Variants in MXRA5 observed in about 807,000 individuals in gnomAD.
MXRA5 encodes matrix-remodeling-associated protein 5.
A neutral mutation model predicts 112.5 loss-of-function variants in MXRA5; 41 were observed. The observed-to-expected ratio is 0.36, with a 90% CI of 0.28 to 0.47. The LOEUF (loss-of-function observed/expected upper bound fraction) is 0.47, where lower values mean the gene tolerates loss of function less well. Ranked by LOEUF, MXRA5 falls within the 20% of genes least tolerant of loss-of-function variation. MXRA5 has a pLI of 0.99. For synonymous variants in MXRA5, 862 were observed against 900.8 expected, an observed-to-expected ratio of 0.96 and a Z score of 0.77; for missense variants, 2,150 against 2,251.0, an observed-to-expected ratio of 0.96 and a Z score of 0.91.
In MXRA5 at chrX:3,310,767, G is replaced by T. The variant is rs1217365867; in HGVS notation, c.7436C>A (p.Ala2479Asp). Reference sequence around the variant, plus strand: ...TGGCAGAACCACACCCTCGGGAAAAGCCCATAACACCCTCGGGGTGGGGAT... The same window carrying T: ...TGGCAGAACCACACCCTCGGGAAAATCCCATAACACCCTCGGGGTGGGGAT... ...EGIPTPRVLW[A>D]FPEGVVLPAP... is the part of the protein sequence containing the mutation. Residue 2479 changes from alanine (A) to aspartate (D), a missense_variant, in exon 7 of 7, where the codon GCT (alanine) becomes GAT (aspartate). Coordinates refer to ENST00000217939, the MANE Select transcript of MXRA5 (RefSeq NM_015419.4). The T allele has an allele frequency of 8.3e-7, 1 of 1,202,699 alleles. No homozygotes were observed. Among genetic ancestry groups the T allele is most frequent in the East Asian group, 3.0e-5 (1 of 33,497 alleles).
intron 5 of MXRA5, among the ~76,000 whole-genome samples, chrX:3,318,675 A>G (rs1921216314): frequency 9.0e-6 from 1 of 111,691 alleles, no homozygotes; most frequent in South Asian, 3.8e-4. Context: ...TAGCAATCCC[A>G]CTACTGGGTA....
chrX:3,317,851 A>G lies in MXRA5; in HGVS notation c.5830T>C (p.Ser1944Pro). 8.3e-7 allele frequency: 1 copy of G among 1,211,630 alleles called. No homozygotes were observed. The highest frequency in any genetic ancestry group is 1.8e-5 in the South Asian group (1 of 56,967). ...ATTTGAGGTTGCTGCACGGTGACCG[A>G]AAGCAAGACCACCATCCTGTCCAGG... is the stretch of plus-strand genomic sequence containing the variant. The part of the protein sequence containing the change: ...HGLDRMVVLL[S>P]VTVQQPQILA... The change falls in exon 6 of 7, where the codon TCG (serine) becomes CCG (proline). Residue 1944 changes from serine to proline, a missense_variant. Transcript: ENST00000217939.
chrX:3,342,563 T>C (rs1321918250), intron 2 of MXRA5, among the ~76,000 whole-genome samples: 1 of 112,159 alleles, frequency 8.9e-6, no homozygotes, highest in Non-Finnish European at 1.9e-5. Flanking sequence ...GATGTTCAGA[T>C]GGTCAACTCA....
chrX:3,314,498 G>A lies in MXRA5; in HGVS notation c.6578+2605C>T, dbSNP rs745615803. On this transcript the variant is annotated intron_variant, in intron 6 of 6. Coordinates refer to ENST00000217939, the MANE Select transcript of MXRA5 (RefSeq NM_015419.4). Reference sequence around the variant, plus strand: ...AGTAGACAGATAGACAGATAGATACGGATGGATAAATGGATGGATAGATGG... The same window carrying A: ...AGTAGACAGATAGACAGATAGATACAGATGGATAAATGGATGGATAGATGG... 6.3e-5 allele frequency among the ~76,000 whole-genome samples: 7 copies of A among 111,673 alleles called. No homozygotes were observed. The South Asian group carries it at 1.9e-3, about 30-fold the overall frequency.
At chrX:3,316,833 T>C (rs780340033) in intron 6 of MXRA5, among the ~76,000 whole-genome samples, 5 of 108,877 alleles carry the variant, frequency 4.6e-5, no homozygotes, top group African/African-American at 1.7e-4. Flanking sequence ...CTCGCCACAA[T>C]GCCCGCAAAT....
At chrX:3,328,513 G>A (rs1921565521) in intron 4 of MXRA5, among the ~76,000 whole-genome samples, 1 of 111,176 alleles carries the variant, frequency 9.0e-6, no homozygotes, top group African/African-American at 3.3e-5. Flanking sequence ...TGGCCTGAAT[G>A]GGTGCACATC....
chrX:3,320,218 C>G lies in MXRA5; in HGVS notation c.5467G>C (p.Val1823Leu), dbSNP rs1458917120. The change falls in exon 5 of 7, where the codon GTC becomes CTC. Residue 1823 changes from valine (V) to leucine (L), a missense_variant. Coordinates refer to ENST00000217939, the MANE Select transcript of MXRA5 (RefSeq NM_015419.4). ...QSSISFITSS[V>L]QSSGSFHQSS... ...TGGTGGAAGCTTCCTGAGGACTGGA[C>G]AGAAGATGTTATAAAGGAGATAGAA... 9.1e-6 allele frequency: 11 copies of G among 1,210,937 alleles called. No homozygotes were observed. In the Admixed American group the frequency reaches 1.1e-4, roughly 12 times the overall value.
Position 3,310,827 on chromosome X carries a change from C to T in MXRA5, c.7376G>A (p.Gly2459Asp), listed in dbSNP as rs764829620. Residue 2459 changes from glycine (G) to aspartate (D), a missense_variant, in exon 7 of 7, where the codon GGC (glycine) becomes GAC (aspartate). Gly to Asp is a moderately conservative substitution (Grantham distance 94, BLOSUM62 -1). Transcript: ENST00000217939. ...ITTVREIAAG[G>D]SRKLIDCKAE... is the part of the protein sequence containing the mutation. ...TTTGCAGTCAATCAGTTTCCGACTG[C>T]CCCCGGCTGCTATCTCCCGCACAGT... 4 of 1,209,408 alleles carry T rather than the reference C, an allele frequency of 3.3e-6. No homozygotes were observed. In the South Asian group the frequency reaches 5.3e-5, roughly 16 times the overall value.
At position 3,345,807 on chromosome X, in the gene MXRA5, T is replaced by G. The variant is rs1168727303; in HGVS notation, c.-29+708A>C. On this transcript the variant is annotated intron_variant, in intron 1 of 6. Coordinates refer to ENST00000217939, the MANE Select transcript of MXRA5 (RefSeq NM_015419.4). ...TGGCCGGCTTCCAGAGTCCGCTGGG[T>G]CGCGTCGAGCTGGCTGCGGGATGAA... Among the ~76,000 whole-genome samples, 4 of 112,744 alleles carry G rather than the reference T, an allele frequency of 3.5e-5. No individual in the cohort carries two copies. The South Asian group carries it at 1.5e-3, about 41-fold the overall frequency.
In MXRA5 at chrX:3,343,700, G is replaced by T. The variant is rs753356792; in HGVS notation, c.134C>A (p.Ser45Tyr). 6.6e-6 allele frequency: 8 copies of T among 1,211,954 alleles called. No homozygotes were observed. The highest frequency in any genetic ancestry group is 2.2e-5 in the Admixed American group (1 of 46,086). The change falls in exon 2 of 7, where the codon TCC becomes TAC. Residue 45 changes from serine (S) to tyrosine (Y), a missense_variant. Ser to Tyr is a moderately radical substitution (Grantham distance 144). Around this residue, in one of 6 missense-constraint regions of MXRA5, gnomAD observed 386 missense variants for 411.0 expected, o/e 0.94. Coordinates refer to ENST00000217939, the MANE Select transcript of MXRA5 (RefSeq NM_015419.4). ...AATGCCAGCGGGCACGGAAGCCAGG[G>T]ATCGGAACGTGCAGTGGACCTCGCT... Reference protein sequence around the residue: ...VPSEVHCTFRSLASVPAGIAK... With the variant: ...VPSEVHCTFRYLASVPAGIAK...
intron 2 of MXRA5, among the ~76,000 whole-genome samples, chrX:3,336,226 A>C: frequency 8.9e-6 from 1 of 111,888 alleles, no homozygotes; most frequent in Middle Eastern, 4.6e-3. Flanking sequence ...GGAACTGTCT[A>C]GTTGAAGGAA....
At position 3,311,306 on chromosome X, in the gene MXRA5, C is replaced by T; in HGVS notation, c.6897G>A (p.Lys2299=). The stretch of plus-strand genomic sequence containing the variant: ...TCCCATTGTTGAAGACGACATAGCG[C>T]TTGGTGCGTCCACCGCTGTCATCCG... ...MQSDDSGGRT[K]RYVVFNNGTL... is the part of the protein sequence containing the mutation. Residue 2299 remains lysine, a synonymous_variant, in exon 7 of 7, where the codon AAG becomes AAA. Coordinates refer to ENST00000217939, the MANE Select transcript of MXRA5 (RefSeq NM_015419.4). 8.3e-7 allele frequency: 1 copy of T among 1,211,891 alleles called. No homozygotes were observed. Among genetic ancestry groups the T allele is most frequent in the Non-Finnish European group, 1.1e-6 (1 of 895,529 alleles).
intron 4 of MXRA5, among the ~76,000 whole-genome samples, chrX:3,329,526 A>G (rs933689008): frequency 5.3e-5 from 6 of 112,564 alleles, no homozygotes; most frequent in Non-Finnish European, 7.5e-5. Context: ...ACTGCAACAC[A>G]TAAGTCCTGG....
intron 2 of MXRA5, among the ~76,000 whole-genome samples, chrX:3,342,318 T>G (rs1289953040): frequency 1.8e-5 from 2 of 111,304 alleles, no homozygotes; most frequent in Admixed American, 9.6e-5. Context: ...CATATACCTA[T>G]GTAACAAACT....
intron 5 of MXRA5, 46 bp downstream of exon 5, chrX:3,319,962 T>C (rs1011879654): frequency 1.0e-6 from 1 of 994,213 alleles, no homozygotes; most frequent in Admixed American, 3.1e-5. Flanking sequence ...GCCAATAAAA[T>C]AAAAATTGAC....
intron 5 of MXRA5, 32 bp from the exon 6 acceptor site, chrX:3,318,035 T>C (rs1357517353): frequency 8.9e-7 from 1 of 1,117,401 alleles, no homozygotes; most frequent in Non-Finnish European, 1.2e-6. Context: ...AGCTTTGGCA[T>C]AAACTGTGCC....
At position 3,321,322 on chromosome X, in the gene MXRA5, C is replaced by T. The variant is rs1466545242; in HGVS notation, c.4363G>A (p.Ala1455Thr). The T allele has an allele frequency of 8.3e-7, 1 of 1,211,503 alleles. No individual in the cohort carries two copies. The highest frequency in any genetic ancestry group is 1.1e-6 in the Non-Finnish European group (1 of 895,220). ...SIKVEVASSQAETTTLDQDHL... is the reference protein window; with the variant it reads ...SIKVEVASSQTETTTLDQDHL... ...TCTTGATCAAGGGTGGTGGTTTCTG[C>T]CTGACTTGAAGCCACCTCCACTTTT... The change falls in exon 5 of 7, where the codon GCA becomes ACA. Residue 1455 changes from alanine to threonine, a missense_variant. Around this residue, in one of 6 missense-constraint regions of MXRA5, gnomAD observed 1,485 missense variants for 1,471.6 expected, o/e 1.01. Coordinates refer to ENST00000217939, the MANE Select transcript of MXRA5 (RefSeq NM_015419.4).
At chrX:3,335,917 G>A (rs1379521261) in intron 2 of MXRA5, among the ~76,000 whole-genome samples, 5 of 112,223 alleles carry the variant, frequency 4.5e-5, no homozygotes, top group Non-Finnish European at 9.4e-5. Flanking sequence ...TACAGGTCAC[G>A]TACTGCAGTG....
In MXRA5 at chrX:3,323,519, C is replaced by A; in HGVS notation, c.2166G>T (p.Val722=). Reference sequence around the variant, plus strand: ...TGGCATCATCCTTTGTTTTGAGGAACACCTCTTGGTCCTTTGGATGCAGAA... The same window carrying A: ...TGGCATCATCCTTTGTTTTGAGGAAAACCTCTTGGTCCTTTGGATGCAGAA... ...RRLLHPKDQE[V]FLKTKDDAIN... Residue 722 remains valine (V), a synonymous_variant, in exon 5 of 7, where the codon GTG becomes GTT. Coordinates refer to ENST00000217939, the MANE Select transcript of MXRA5 (RefSeq NM_015419.4). 8.3e-7 allele frequency: 1 copy of A among 1,211,689 alleles called. No individual in the cohort carries two copies. The highest frequency in any genetic ancestry group is 1.1e-6 in the Non-Finnish European group (1 of 895,555).
Sources: gnomAD v4.1 joint callset for allele counts (sites outside exome capture counted in the v4.1 genomes callset) on GRCh38, gnomAD v4.1.1 for gene constraint, gnomAD v4.1.1 regional missense constraint, MANE v1.5 for transcripts, NCBI Gene and HGNC (gene_info 2026-07-23, HGNC 2026-07-21) for gene names.